The following HELB variants were observed in gnomAD, a reference collection of about 807,000 sequenced individuals.
The protein encoded by HELB is DNA helicase B, also known as DNA 5'-3' helicase B.
In HELB, 96 loss-of-function variants were observed where a neutral mutation model predicts 101.7. The ratio of observed to expected loss-of-function variants is 0.94; its 90% CI spans 0.80 to 1.12. The LOEUF (loss-of-function observed/expected upper bound fraction) is 1.12. Ranked by LOEUF, HELB falls within the 50% of genes most tolerant of loss-of-function variation. The probability of loss-of-function intolerance (pLI) is 0.00; values close to 1 mark genes in which losing one functional copy is unlikely to be tolerated. For missense variants in HELB, 1,210 were observed against 1,291.9 expected (o/e 0.94, Z 0.97); for synonymous variants, 437 against 459.7 (o/e 0.95, Z 0.63).
intron 12 of HELB, among the ~76,000 whole-genome samples, chr12:66,337,301 A>T (rs115444951): frequency 0.012 from 1,856 of 152,308 alleles, 36 homozygotes; most frequent in African/African-American, 0.043. Context: ...ACTCTTTGAT[A>T]GAATTTCCAT....
In HELB at chr12:66,331,401, G is replaced by C. The variant is rs140987785; in HGVS notation, c.2918G>C (p.Gly973Ala). Reference sequence around the variant, plus strand: ...TTTCCGTCCCCACGGAAGAGCTCTGGAGACAGTGGAGGACCCAGCACACCG... The same window carrying C: ...TTTCCGTCCCCACGGAAGAGCTCTGCAGACAGTGGAGGACCCAGCACACCG... ...ADFPSPRKSS[G>A]DSGGPSTPSA... Residue 973 changes from glycine (G) to alanine (A), a missense_variant, in exon 12 of 13, where the codon GGA becomes GCA. This residue lies in a region of HELB where 740 missense variants were observed against 728.8 expected (regional missense o/e 1.02). Transcript: ENST00000247815. 2,689 of 1,614,196 alleles carry C rather than the reference G, an allele frequency of 1.7e-3. 4 individuals carry two copies. Among genetic ancestry groups the C allele is most frequent in the Non-Finnish European group, 2.1e-3 (2,521 of 1,180,040 alleles).
At chr12:66,322,691 T>C (rs1381326452) in intron 8 of HELB, 33 bp from the exon 9 acceptor site, 1 of 1,523,306 alleles carries the variant, frequency 6.6e-7, no homozygotes, top group South Asian at 1.1e-5. Context: ...GCAGAGACCA[T>C]TAAGGTGACC....
At chr12:66,315,440 T>A in intron 6 of HELB, 57 bp downstream of exon 6, 1 of 1,349,228 alleles carries the variant, frequency 7.4e-7, no homozygotes, top group Non-Finnish European at 9.9e-7. Flanking sequence ...ATTTAAAAAA[T>A]GGCCTTTGAA....
In HELB at chr12:66,318,723, A is replaced by G. The variant is rs759993364; in HGVS notation, c.2086A>G (p.Thr696Ala). ...PTLPISIQDK[T>A]FIFVRLPEED... is the part of the protein sequence containing the mutation. ...ATTACCCATCTCAATTCAAGATAAG[A>G]CATTTATTTTTGTCAGGCTCCCAGA... The change falls in exon 7 of 13, where the codon ACA becomes GCA. Residue 696 changes from threonine to alanine, a missense_variant. Coordinates refer to ENST00000247815, the MANE Select transcript of HELB (RefSeq NM_001370285.1). 2.4e-5 allele frequency: 38 copies of G among 1,611,082 alleles called. No homozygotes were observed. Among genetic ancestry groups the G allele is most frequent in the Non-Finnish European group, 3.1e-5 (37 of 1,179,072 alleles).
chr12:66,338,243 T>C, downstream of HELB: 1 of 638,582 alleles, frequency 1.6e-6, no homozygotes, highest in South Asian at 1.8e-5. Flanking sequence ...TTTAAATCCA[T>C]TTCATCAAAG....
At position 66,325,073 on chromosome 12, in the gene HELB, A is replaced by G; in HGVS notation, c.2617A>G (p.Met873Val). 1 of 1,613,866 alleles carries G rather than the reference A, an allele frequency of 6.2e-7. No individual in the cohort carries two copies. The highest frequency in any genetic ancestry group is 2.2e-5 in the East Asian group (1 of 44,848). Residue 873 changes from methionine (M) to valine (V), a missense_variant, in exon 11 of 13, where the codon ATG becomes GTG. This residue lies in a region of HELB where 740 missense variants were observed against 728.8 expected (regional missense o/e 1.02). Coordinates refer to ENST00000247815, the MANE Select transcript of HELB (RefSeq NM_001370285.1). ...AGTAACTGTGGATTTTAAGAAACTA[A>G]TGAAATATTGTCGCATAAAACATGC... ...LEVTVDFKKL[M>V]KYCRIKHAWA...
chr12:66,318,898 T>A lies in HELB; in HGVS notation c.2155+106T>A, dbSNP rs1382002590. On this transcript the variant is annotated intron_variant, in intron 7 of 12. Coordinates refer to ENST00000247815, the MANE Select transcript of HELB (RefSeq NM_001370285.1). ...AATTTTCTTTAATGGTAAAGAGAAATATTGCTAGCAAAAAAAGAGACATTG... is the reference window on the plus strand; with the variant it reads ...AATTTTCTTTAATGGTAAAGAGAAAAATTGCTAGCAAAAAAAGAGACATTG... 7 of 809,240 alleles carry A rather than the reference T, an allele frequency of 8.7e-6. No individual in the cohort carries two copies. In the East Asian group the frequency reaches 2.0e-4, roughly 23 times the overall value. The allele number at this position is 809,240 out of a possible 1,614,324, so 50.1% of individuals were successfully genotyped here.
intron 12 of HELB, among the ~76,000 whole-genome samples, chr12:66,337,389 A>G (rs2053878108): frequency 6.6e-6 from 1 of 152,218 alleles, no homozygotes; most frequent in African/African-American, 2.4e-5. Context: ...TGACATGAGC[A>G]GAAAAGAGAG....
At chr12:66,334,471 G>GA (rs34530283) in intron 12 of HELB, among the ~76,000 whole-genome samples, 159 of 109,514 alleles carry the variant, frequency 1.5e-3, no homozygotes, top group South Asian at 3.1e-3. Flanking sequence ...CAAAAAAAAA[G>GA]AAAAAAAAAA....
Position 66,324,115 on chromosome 12 carries a change from A to C in HELB, c.2430A>C (p.Glu810Asp), listed in dbSNP as rs749722962. The change falls in exon 10 of 13, where the codon GAA becomes GAC. Residue 810 changes from glutamate to aspartate, a missense_variant. Coordinates refer to ENST00000247815, the MANE Select transcript of HELB (RefSeq NM_001370285.1). ...QQNNDLDASS[E>D]DFSGTLPDFA... Reference sequence around the variant, plus strand: ...ATAATGATCTAGATGCCAGTAGTGAAGACTTTTCTGGTACGCTTCCTGATT... The same window carrying C: ...ATAATGATCTAGATGCCAGTAGTGACGACTTTTCTGGTACGCTTCCTGATT... The C allele has an allele frequency of 1.7e-5, 27 of 1,613,816 alleles. No homozygotes were observed. Among genetic ancestry groups the C allele is most frequent in the Middle Eastern group, 1.6e-4 (1 of 6,080 alleles).
intron 7 of HELB, among the ~76,000 whole-genome samples, chr12:66,320,461 CTTAGT>C (rs1424126160): frequency 1.3e-5 from 2 of 152,148 alleles, no homozygotes; most frequent in Admixed American, 6.6e-5. Flanking sequence ...CTTTTCACAG[CTTAGT>C]TAATAGTAGG....
At position 66,304,851 on chromosome 12, in the gene HELB, A is replaced by G; in HGVS notation, c.308A>G (p.Gln103Arg). The change falls in exon 2 of 13, where the codon CAA becomes CGA. Residue 103 changes from glutamine to arginine, a missense_variant. Coordinates refer to ENST00000247815, the MANE Select transcript of HELB (RefSeq NM_001370285.1). Reference protein sequence around the residue: ...VKPVVGSRSYQYQVQGFPSYF... With the variant: ...VKPVVGSRSYRYQVQGFPSYF... The stretch of plus-strand genomic sequence containing the variant: ...CCTGTGGTGGGATCAAGGAGCTATC[A>G]ATATCAAGTTCAAGGATTTCCGTCT... 1.9e-6 allele frequency: 3 copies of G among 1,614,152 alleles called. No homozygotes were observed. The highest frequency in any genetic ancestry group is 2.7e-5 in the African/African-American group (2 of 75,044).
rs1240978202 is a variant in HELB at position 66,310,058 on chromosome 12, A to G, written c.1130A>G (p.His377Arg). ...ICDLMKKPPW[H>R]LCVDVEKVLA... is the part of the protein sequence containing the mutation. ...GACCTGATGAAGAAACCTCCTTGGC[A>G]TTTATGTGTCGATGTCGAAAAGGTG... is the stretch of plus-strand genomic sequence containing the variant. Residue 377 changes from histidine to arginine, a missense_variant, in exon 4 of 13, where the codon CAT becomes CGT. Physicochemically the swap from His to Arg is conservative, Grantham distance 29. Coordinates refer to ENST00000247815, the MANE Select transcript of HELB (RefSeq NM_001370285.1). 2.5e-6 allele frequency: 4 copies of G among 1,614,196 alleles called. No homozygotes were observed. The highest frequency in any genetic ancestry group is 2.2e-5 in the South Asian group (2 of 91,086).
chr12:66,308,880 G>A (rs1207578749), intron 3 of HELB, among the ~76,000 whole-genome samples: 1 of 152,026 alleles, frequency 6.6e-6, no homozygotes, highest in Non-Finnish European at 1.5e-5. Flanking sequence ...AATTTTGGGG[G>A]GACACAGTTC....
downstream of HELB, chr12:66,341,542 T>A (rs927323827): frequency 2.0e-5 from 3 of 152,174 alleles, no homozygotes; most frequent in African/African-American, 7.2e-5. Flanking sequence ...AAGAATTCTT[T>A]ACATTTTCAA....
Position 66,313,114 on chromosome 12 carries a change from C to A in HELB, c.1681-872C>A, listed in dbSNP as rs140225276. On this transcript the variant is annotated intron_variant, in intron 4 of 12. Coordinates refer to ENST00000247815, the MANE Select transcript of HELB (RefSeq NM_001370285.1). ...TGTTGTGAGACATGGCTACTGTGAGCATAGGGGGTTTTGTTGAAGGGAATT... is the reference window on the plus strand; with the variant it reads ...TGTTGTGAGACATGGCTACTGTGAGAATAGGGGGTTTTGTTGAAGGGAATT... Among the ~76,000 whole-genome samples, 48 of 151,950 alleles carry A rather than the reference C, an allele frequency of 3.2e-4. No individual in the cohort carries two copies. In the East Asian group the frequency reaches 8.5e-3, roughly 27 times the overall value.
At chr12:66,322,943 A>G (rs958786170) in intron 9 of HELB, among the ~76,000 whole-genome samples, 160 bp downstream of exon 9, 2 of 151,784 alleles carry the variant, frequency 1.3e-5, no homozygotes, top group African/African-American at 4.8e-5. Flanking sequence ...AATACAATAT[A>G]TGAATACATC....
chr12:66,309,623 G>T, intron 3 of HELB, 83 bp from the exon 4 acceptor site: 1 of 935,494 alleles, frequency 1.1e-6, no homozygotes, highest in Non-Finnish European at 1.6e-6. Flanking sequence ...CATGTCTTCT[G>T]GGATTTAAAA....
downstream of HELB, chr12:66,339,116 C>T (rs533275505): frequency 6.6e-6 from 1 of 152,088 alleles, no homozygotes; most frequent in Non-Finnish European, 1.5e-5. Flanking sequence ...TTATTTATAT[C>T]CCACTGCTCA....
Sources: allele counts gnomAD v4.1 joint callset (sites outside exome capture counted in the v4.1 genomes callset), GRCh38; gene constraint gnomAD v4.1.1; regional missense constraint gnomAD v4.1.1; transcripts MANE v1.5; gene names NCBI Gene and HGNC (gene_info 2026-07-23, HGNC 2026-07-21).